Variants in PLXDC2 observed in about 807,000 individuals in gnomAD.
PLXDC2 encodes the protein plexin domain containing 2.
PLXDC2 carries 40 observed loss-of-function variants against 68.9 expected under a neutral mutation model. The observed-to-expected ratio is 0.58, with a 90% confidence interval of 0.45 to 0.76. The LOEUF (loss-of-function observed/expected upper bound fraction) is 0.76. Among genes scored for constraint, PLXDC2 ranks in the 30% least tolerant of loss-of-function variants. PLXDC2 has a pLI of 0.00. For synonymous variants in PLXDC2, 243 were observed against 234.2 expected (o/e 1.04, Z -0.34); for missense variants, 644 against 661.9 (o/e 0.97, Z 0.30).
At chr10:19,894,187 G>T (rs1838015435) in intron 1 of PLXDC2, among the ~76,000 whole-genome samples, 1 of 152,146 alleles carries the variant, frequency 6.6e-6, no homozygotes, top group African/African-American at 2.4e-5. Context: ...TTTCTGCAGT[G>T]TCCCTGAAGT....
chr10:20,084,746 A>C (rs11596957), intron 4 of PLXDC2, among the ~76,000 whole-genome samples: 3 of 152,012 alleles, frequency 2.0e-5, no homozygotes, highest in African/African-American at 7.2e-5. Flanking sequence ...TTGTAGATAC[A>C]CCGTTGGACA....
intron 1 of PLXDC2, among the ~76,000 whole-genome samples, chr10:19,885,185 C>A (rs1419541704): frequency 6.7e-6 from 1 of 150,248 alleles, no homozygotes; most frequent in Non-Finnish European, 1.5e-5. Flanking sequence ...CCTTTGCCCA[C>A]TTTTTGATGG....
At chr10:20,084,790 A>G (rs1311824842) in intron 4 of PLXDC2, among the ~76,000 whole-genome samples, 1 of 151,794 alleles carries the variant, frequency 6.6e-6, no homozygotes, top group Non-Finnish European at 1.5e-5. Flanking sequence ...ACAGTCACAA[A>G]TTTCCTCTAT....
At chr10:20,246,578 GACC>G in intron 13 of PLXDC2, among the ~76,000 whole-genome samples, 3 of 152,296 alleles carry the variant, frequency 2.0e-5, no homozygotes, top group African/African-American at 7.2e-5. Context: ...TCAAACTCCT[GACC>G]ACAAGTGATC....
intron 1 of PLXDC2, among the ~76,000 whole-genome samples, chr10:19,964,458 A>C (rs11011703): frequency 0.083 from 12,702 of 152,262 alleles, 650 homozygotes; most frequent in East Asian, 0.13. Flanking sequence ...TCCATTTTTC[A>C]TCACTGCAGA....
At chr10:20,223,199 G>T (rs563827282) in intron 12 of PLXDC2, among the ~76,000 whole-genome samples, 5 of 151,876 alleles carry the variant, frequency 3.3e-5, no homozygotes, top group African/African-American at 1.2e-4. Context: ...GTACAAAAAT[G>T]TTAAGTTATG....
chr10:19,974,836 A>G (rs1441755066), intron 1 of PLXDC2, among the ~76,000 whole-genome samples: 1 of 152,212 alleles, frequency 6.6e-6, no homozygotes, highest in Non-Finnish European at 1.5e-5. Flanking sequence ...GAATCATTCC[A>G]GTTTAAATAT....
chr10:20,179,185 G>A (rs1323364847), intron 9 of PLXDC2, among the ~76,000 whole-genome samples: 2 of 152,176 alleles, frequency 1.3e-5, no homozygotes, highest in East Asian at 1.9e-4. Context: ...TGATCACCTC[G>A]TCCAAGTCTG....
rs1206360157 is a variant in PLXDC2, at chr10:20,085,219, A to AG, written c.541+16980_541+16981insG. ...ATTTAGGTTTTTTGTTAAAAAAAAA[A>AG]AATCTTAGTTTCATAGACTAAACTG... On this transcript the variant is annotated intron_variant, in intron 4 of 13. Coordinates refer to ENST00000377252, the MANE Select transcript of PLXDC2 (RefSeq NM_032812.9). Among the ~76,000 whole-genome samples, 2 of 151,594 alleles carry AG rather than the reference A, an allele frequency of 1.3e-5. 1 individual carries two copies. The highest frequency in any genetic ancestry group is 4.9e-5 in the African/African-American group (2 of 41,174).
chr10:20,193,014 C>T (rs570149937), intron 9 of PLXDC2, among the ~76,000 whole-genome samples: 1 of 151,996 alleles, frequency 6.6e-6, no homozygotes, highest in African/African-American at 2.4e-5. Context: ...CTTTCTCTTA[C>T]AAAAATATAA....
intron 4 of PLXDC2, among the ~76,000 whole-genome samples, chr10:20,090,624 G>A (rs1833263803): frequency 6.6e-6 from 1 of 152,052 alleles, no homozygotes; most frequent in South Asian, 2.1e-4. Flanking sequence ...TCCTTAGCAA[G>A]GTAGAAAAAA....
At chr10:19,913,629 C>G (rs953130342) in intron 1 of PLXDC2, among the ~76,000 whole-genome samples, 1 of 152,084 alleles carries the variant, frequency 6.6e-6, no homozygotes, top group African/African-American at 2.4e-5. Flanking sequence ...ATGTGTAAAT[C>G]TCTCGCTTCA....
At chr10:19,863,039 C>A (rs1837344832) in intron 1 of PLXDC2, among the ~76,000 whole-genome samples, 1 of 152,096 alleles carries the variant, frequency 6.6e-6, no homozygotes, top group African/African-American at 2.4e-5. Context: ...TGGGGACCTT[C>A]CTTTTGTGCT....
intron 12 of PLXDC2, among the ~76,000 whole-genome samples, chr10:20,243,656 A>T (rs1835548768): frequency 6.6e-6 from 1 of 152,186 alleles, no homozygotes. Flanking sequence ...CTTTAAAAAA[A>T]GGTAAAATAA....
At chr10:19,993,774 G>A (rs189308939) in intron 1 of PLXDC2, among the ~76,000 whole-genome samples, 33 of 152,216 alleles carry the variant, frequency 2.2e-4, no homozygotes, top group Admixed American at 5.9e-4. Context: ...GTTCTGTTTC[G>A]TTTTATATAT....
intron 1 of PLXDC2, among the ~76,000 whole-genome samples, chr10:19,885,295 T>C (rs1158267939): frequency 1.5e-4 from 23 of 150,604 alleles, no homozygotes; most frequent in Non-Finnish European, 2.2e-4. Flanking sequence ...TTCTCCCATT[T>C]TGTAGGTTGC....
chr10:20,170,361 TG>T (rs2131820342), intron 7 of PLXDC2, among the ~76,000 whole-genome samples: 1 of 152,290 alleles, frequency 6.6e-6, no homozygotes. Flanking sequence ...AGCTAATTTT[TG>T]TATTTTTAGT....
chr10:19,858,826 A>T (rs1417198217), intron 1 of PLXDC2, among the ~76,000 whole-genome samples: 1 of 152,172 alleles, frequency 6.6e-6, no homozygotes, highest in Admixed American at 6.5e-5. Context: ...ATGCTGTCTT[A>T]GTCCATTTCT....
intron 6 of PLXDC2, among the ~76,000 whole-genome samples, chr10:20,161,072 T>C (rs1417140241): frequency 6.6e-6 from 1 of 152,198 alleles, no homozygotes; most frequent in Non-Finnish European, 1.5e-5. Context: ...CATATTCTAT[T>C]CTATTGGCTA....
Sources: allele counts gnomAD v4.1 joint callset (sites outside exome capture counted in the v4.1 genomes callset), GRCh38; gene constraint gnomAD v4.1.1; transcripts MANE v1.5; gene names NCBI Gene and HGNC (gene_info 2026-07-23, HGNC 2026-07-21).